The following HACD4 variants were observed in gnomAD, a reference collection of about 807,000 sequenced individuals.
The protein encoded by HACD4 is very-long-chain (3R)-3-hydroxyacyl-CoA dehydratase 4.
In HACD4, 35 loss-of-function variants were observed where a neutral mutation model predicts 33.3. That is an observed-to-expected ratio of 1.05 (90% CI 0.80 to 1.39). HACD4 has a LOEUF of 1.39. Among genes scored for constraint, HACD4 ranks in the 40% most tolerant of loss-of-function variants. HACD4 has a pLI of 0.00. For synonymous variants in HACD4, 118 were observed against 98.0 expected (o/e 1.20, Z -1.21); for missense variants, 323 against 276.5 (o/e 1.17, Z -1.19).
chr9:21,030,668 T>C (rs575076390), intron 1 of HACD4, among the ~76,000 whole-genome samples: 1 of 152,160 alleles, frequency 6.6e-6, no homozygotes, highest in African/African-American at 2.4e-5. Flanking sequence ...GTGATTGAGG[T>C]TAGTATTAAC....
In HACD4 at chr9:21,003,020, A is replaced by AATTG. The variant is rs1252802937; in HGVS notation, c.*4013_*4016dup. On this transcript the variant is annotated 3_prime_UTR_variant, in exon 7 of 7. Transcript: ENST00000495827. ...AAGAAATTACACCTTTATTTTCACT[A>AATTG]ATTGATAATGAAATTTAGTATTCCT... is the stretch of plus-strand genomic sequence containing the variant. 1.3e-5 allele frequency: 2 copies of AATTG among 152,188 alleles called. No homozygotes were observed. The allele number at this position is 152,188 out of a possible 1,614,324, so 9.4% of individuals were successfully genotyped here.
intron 1 of HACD4, among the ~76,000 whole-genome samples, chr9:21,031,051 G>T (rs1488361323): frequency 6.6e-6 from 1 of 152,168 alleles, no homozygotes; most frequent in African/African-American, 2.4e-5. Context: ...TAAAGGGTTT[G>T]GGAAGAGGAA....
chr9:21,030,269 CAA>C (rs57245979), intron 1 of HACD4, among the ~76,000 whole-genome samples: 69 of 110,864 alleles, frequency 6.2e-4, no homozygotes, highest in South Asian at 1.2e-3. Flanking sequence ...TGGCAACTTA[CAA>C]AAAAAAAAAA....
chr9:21,030,699 C>G (rs1478385616), intron 1 of HACD4, among the ~76,000 whole-genome samples: 1 of 152,198 alleles, frequency 6.6e-6, no homozygotes, highest in Non-Finnish European at 1.5e-5. Context: ...TGCCTATTAA[C>G]ATTTTGCAAG....
intron 3 of HACD4, among the ~76,000 whole-genome samples, chr9:21,023,758 G>C (rs1021650646): frequency 5.9e-5 from 9 of 152,122 alleles, no homozygotes; most frequent in African/African-American, 2.2e-4. Context: ...TGTATTTTTA[G>C]TAGAGACAGG....
At chr9:21,007,765 T>A (rs1842305144) in intron 6 of HACD4, among the ~76,000 whole-genome samples, 1 of 152,192 alleles carries the variant, frequency 6.6e-6, no homozygotes, top group African/African-American at 2.4e-5. Flanking sequence ...CTTCTATATC[T>A]CATACATAAT....
At chr9:21,022,556 A>G (rs1054938582) in intron 3 of HACD4, among the ~76,000 whole-genome samples, 3 of 152,234 alleles carry the variant, frequency 2.0e-5, no homozygotes, top group Non-Finnish European at 4.4e-5. Flanking sequence ...AAAGTGGGCA[A>G]AGGATATGAA....
intron 3 of HACD4, among the ~76,000 whole-genome samples, chr9:21,021,705 A>G (rs546412961): frequency 0.012 from 1,853 of 152,266 alleles, 34 homozygotes; most frequent in African/African-American, 0.039. Context: ...GAGAACTACA[A>G]ACCACTGCTC....
chr9:21,028,962 T>A (rs183780294), intron 2 of HACD4, among the ~76,000 whole-genome samples: 1 of 152,310 alleles, frequency 6.6e-6, no homozygotes, highest in African/African-American at 2.4e-5. Flanking sequence ...TTTCTCTGCA[T>A]AAAATGTTAT....
chr9:21,028,834 A>G (rs1396115901), intron 2 of HACD4, among the ~76,000 whole-genome samples: 1 of 152,214 alleles, frequency 6.6e-6, no homozygotes, highest in African/African-American at 2.4e-5. Flanking sequence ...ATTACTTCTT[A>G]AAGGGACCAA....
chr9:21,023,361 G>A (rs554341121), intron 3 of HACD4, among the ~76,000 whole-genome samples: 8 of 151,970 alleles, frequency 5.3e-5, no homozygotes, highest in Non-Finnish European at 8.8e-5. Context: ...AGAACTTAAA[G>A]TATAATTTAA....
At chr9:21,022,502 T>C (rs1474081792) in intron 3 of HACD4, among the ~76,000 whole-genome samples, 1 of 151,862 alleles carries the variant, frequency 6.6e-6, no homozygotes, top group Non-Finnish European at 1.5e-5. Flanking sequence ...ATATCCAGAA[T>C]CTACAAAGAA....
chr9:21,023,718 G>A (rs750000537), intron 3 of HACD4, among the ~76,000 whole-genome samples: 10 of 152,058 alleles, frequency 6.6e-5, no homozygotes, highest in Non-Finnish European at 1.2e-4. Flanking sequence ...GGGATCACAG[G>A]CACGCGCCAC....
rs1390633242 is a variant in HACD4, at chr9:21,002,263, T to TA, written c.*4773dup. The TA allele has an allele frequency of 6.6e-6, 1 of 151,878 alleles. No homozygotes were observed. Among genetic ancestry groups the TA allele is most frequent in the Admixed American group, 6.6e-5 (1 of 15,234 alleles). The allele number at this position is 151,878 out of a possible 1,614,324, so 9.4% of individuals were successfully genotyped here. A position where few individuals can be genotyped will look rare whatever the true frequency, so the allele number is the denominator to read the frequency against. On this transcript the variant is annotated 3_prime_UTR_variant, in exon 7 of 7. Transcript: ENST00000495827. The stretch of plus-strand genomic sequence containing the variant: ...AGAAAGATACTTAAATGCTTCACTA[T>TA]AAAAAAGTAAACTACACACAAAAGA...
chr9:21,009,163 T>C (rs981022561), intron 5 of HACD4, among the ~76,000 whole-genome samples: 1 of 152,198 alleles, frequency 6.6e-6, no homozygotes, highest in Admixed American at 6.5e-5. Flanking sequence ...ATTAAAGTTA[T>C]CGAAAGTTTA....
At chr9:21,023,741 A>G (rs982595003) in intron 3 of HACD4, among the ~76,000 whole-genome samples, 59 of 151,934 alleles carry the variant, frequency 3.9e-4, no homozygotes, top group African/African-American at 1.4e-3. Context: ...CGTCCAGCTA[A>G]TTTTTTTGTA....
At position 21,000,291 on chromosome 9, in the gene HACD4, T is replaced by C. The variant is rs1842147610; in HGVS notation, c.*6746A>G. 6.6e-6 allele frequency: 1 copy of C among 152,204 alleles called. No individual in the cohort carries two copies. The highest frequency in any genetic ancestry group is 6.5e-5 in the Admixed American group (1 of 15,274). 9.4% of individuals were successfully genotyped at this position (152,204 alleles called of 1,614,324 possible). On this transcript the variant is annotated 3_prime_UTR_variant, in exon 7 of 7. Coordinates refer to ENST00000495827, the MANE Select transcript of HACD4 (RefSeq NM_001010915.5). ...ATGTTAAAAACATGTTCAGAACTAC[T>C]ATTTAAGGATTTTTAAAGCCATAAA...
At chr9:21,011,486 A>C in intron 5 of HACD4, 103 bp downstream of exon 5, 1 of 727,772 alleles carries the variant, frequency 1.4e-6, no homozygotes, top group Non-Finnish European at 2.4e-6. Flanking sequence ...GAGTGAGCTA[A>C]GCATTCGCAA....
At position 21,000,903 on chromosome 9, in the gene HACD4, A is replaced by C. The variant is rs765367595; in HGVS notation, c.*6134T>G. 1.2e-4 allele frequency: 18 copies of C among 152,234 alleles called. No homozygotes were observed. Among genetic ancestry groups the C allele is most frequent in the Admixed American group, 2.0e-4 (3 of 15,272 alleles). 9.4% of individuals were successfully genotyped at this position (152,234 alleles called of 1,614,324 possible). On this transcript the variant is annotated 3_prime_UTR_variant, in exon 7 of 7. Transcript: ENST00000495827. ...CTATTTGTACTTCTGAAATAAATAC[A>C]GTTTCTCACATTTGACAACTTGCTC... is the stretch of plus-strand genomic sequence containing the variant.
Sources: gnomAD v4.1 joint callset for allele counts (sites outside exome capture counted in the v4.1 genomes callset) on GRCh38, gnomAD v4.1.1 for gene constraint, MANE v1.5 for transcripts, NCBI Gene and HGNC (gene_info 2026-07-23, HGNC 2026-07-21) for gene names.